Variants in SHANK2 observed in about 807,000 individuals in gnomAD.
The protein encoded by SHANK2 is SH3 and multiple ankyrin repeat domains 2.
A neutral mutation model predicts 133.7 loss-of-function variants in SHANK2; 43 were observed. The ratio of observed to expected loss-of-function variants is 0.32; its 90% CI spans 0.25 to 0.41. SHANK2 has a LOEUF of 0.41. SHANK2 is among the 10% of genes least tolerant of loss of function. The probability of loss-of-function intolerance (pLI) is 1.00; values close to 1 mark genes in which losing one functional copy is unlikely to be tolerated. For missense variants in SHANK2, 1,994 were observed against 2,235.8 expected, an observed-to-expected ratio of 0.89 and a Z score of 2.18; for synonymous variants, 1,017 against 952.8, an observed-to-expected ratio of 1.07 and a Z score of -1.24.
intron 2 of SHANK2, among the ~76,000 whole-genome samples, chr11:71,174,280 C>G (rs1431201877): frequency 6.6e-6 from 1 of 152,176 alleles, no homozygotes; most frequent in African/African-American, 2.4e-5. Flanking sequence ...TGGTTCACAC[C>G]TGTAATCCCA....
At chr11:71,234,606 C>G (rs1555123439) in intron 1 of SHANK2, among the ~76,000 whole-genome samples, 1 of 152,108 alleles carries the variant, frequency 6.6e-6, no homozygotes, top group East Asian at 1.9e-4. Flanking sequence ...CCTGCCCGAG[C>G]CTCGGTCCCC....
At chr11:71,128,263 G>A (rs1952229040) in intron 3 of SHANK2, among the ~76,000 whole-genome samples, 1 of 152,214 alleles carries the variant, frequency 6.6e-6, no homozygotes. Context: ...CTGGTAGGCA[G>A]GAGTTGGTCC....
In SHANK2 at chr11:71,204,041, G is replaced by A. The variant is rs566611755; in HGVS notation, c.-13+20656C>T. Among the ~76,000 whole-genome samples the A allele has an allele frequency of 5.9e-5, 9 of 152,236 alleles. No homozygotes were observed. The South Asian group carries it at 6.2e-4, about 11-fold the overall frequency. On this transcript the variant is annotated intron_variant, in intron 2 of 25. Coordinates refer to ENST00000601538, the MANE Select transcript of SHANK2 (RefSeq NM_012309.5). The stretch of plus-strand genomic sequence containing the variant: ...TTCGCTGTGATGAACCCTGCCTGTC[G>A]CTAAAACAGCTTCACTAAGGACTCT...
intron 3 of SHANK2, among the ~76,000 whole-genome samples, chr11:71,146,114 T>C (rs1317429406): frequency 6.6e-5 from 10 of 152,168 alleles, no homozygotes; most frequent in African/African-American, 1.9e-4. Flanking sequence ...AGACGGCGTG[T>C]GAAATGTTCG....
intron 17 of SHANK2, among the ~76,000 whole-genome samples, chr11:70,614,840 C>T (rs1009338100): frequency 2.0e-5 from 3 of 152,228 alleles, no homozygotes; most frequent in African/African-American, 7.2e-5. Flanking sequence ...CAGGCCTCCC[C>T]TCCCCACTAA....
At chr11:71,121,455 C>G (rs1195432883) in intron 3 of SHANK2, among the ~76,000 whole-genome samples, 1 of 152,220 alleles carries the variant, frequency 6.6e-6, no homozygotes, top group Admixed American at 6.5e-5. Flanking sequence ...GGGAGTAAAT[C>G]TGGATATTAG....
intron 15 of SHANK2, among the ~76,000 whole-genome samples, chr11:70,673,267 C>T (rs1426331004): frequency 6.6e-6 from 1 of 151,520 alleles, no homozygotes; most frequent in Non-Finnish European, 1.5e-5. Context: ...AAGCCTCAGC[C>T]TTTGACTCTG....
At chr11:71,203,679 T>A (rs1276756403) in intron 2 of SHANK2, among the ~76,000 whole-genome samples, 1 of 152,176 alleles carries the variant, frequency 6.6e-6, no homozygotes, top group African/African-American at 2.4e-5. Context: ...ATATCCTGTG[T>A]GGTAAGAGTG....
At chr11:70,478,931 C>T (rs782558021) in intron 25 of SHANK2, among the ~76,000 whole-genome samples, 2 of 152,166 alleles carry the variant, frequency 1.3e-5, no homozygotes, top group East Asian at 1.9e-4. Flanking sequence ...CCAGGAGGTT[C>T]GCAGCTAAGA....
Position 71,132,306 on chromosome 11 carries a change from A to G in SHANK2, c.208-13274T>C, listed in dbSNP as rs74598426. ...TAACACAGAAAAGTAAAAACTGATG[A>G]TCTGCGGCCCTGGTATTGCCACCCT... On this transcript the variant is annotated intron_variant, in intron 3 of 25. Coordinates refer to ENST00000601538, the MANE Select transcript of SHANK2 (RefSeq NM_012309.5). Among the ~76,000 whole-genome samples, 178 of 152,282 alleles carry G rather than the reference A, an allele frequency of 1.2e-3. 2 individuals are homozygous for G. The East Asian group carries it at 0.027, about 23-fold the overall frequency.
chr11:71,212,957 C>G (rs555647083), intron 2 of SHANK2, among the ~76,000 whole-genome samples: 3 of 134,048 alleles, frequency 2.2e-5, no homozygotes, highest in African/African-American at 2.8e-5. Context: ...GGACCCCAGG[C>G]GGAGGCACAG....
At chr11:70,826,420 C>T (rs984003159) in intron 11 of SHANK2, 2 of 470,212 alleles carry the variant, frequency 4.3e-6, no homozygotes. Context: ...AATCAGCAAG[C>T]AGCTGCTAAT....
intron 12 of SHANK2, among the ~76,000 whole-genome samples, chr11:70,809,007 C>T (rs969692881): frequency 1.3e-5 from 2 of 152,226 alleles, no homozygotes; most frequent in Non-Finnish European, 2.9e-5. Context: ...CTGACTTCTA[C>T]ACCCGACAGT....
At chr11:70,714,496 C>T (rs562779125) in intron 14 of SHANK2, among the ~76,000 whole-genome samples, 17 of 152,306 alleles carry the variant, frequency 1.1e-4, no homozygotes, top group East Asian at 7.7e-4. Context: ...ATCGAGGCAC[C>T]GGAAGGTTAA....
At chr11:71,134,522 C>G (rs1432588110) in intron 3 of SHANK2, among the ~76,000 whole-genome samples, 4 of 151,264 alleles carry the variant, frequency 2.6e-5, no homozygotes, top group African/African-American at 9.7e-5. Flanking sequence ...TCACTGCAAC[C>G]TCCACCTCCC....
At chr11:71,240,035 T>G (rs1212412526) in intron 1 of SHANK2, among the ~76,000 whole-genome samples, 6 of 152,154 alleles carry the variant, frequency 3.9e-5, no homozygotes, top group African/African-American at 1.4e-4. Flanking sequence ...AATAGTAATA[T>G]GATACTAATT....
intron 9 of SHANK2, among the ~76,000 whole-genome samples, chr11:71,059,092 C>T (rs1950956948): frequency 6.6e-6 from 1 of 152,196 alleles, no homozygotes; most frequent in Non-Finnish European, 1.5e-5. Flanking sequence ...TGGCAGGTGC[C>T]TGTAATCCCA....
At chr11:70,522,403 G>T (rs188836387) in intron 17 of SHANK2, among the ~76,000 whole-genome samples, 45 of 152,282 alleles carry the variant, frequency 3.0e-4, no homozygotes, top group Non-Finnish European at 1.5e-5. Context: ...GTACCAAAGG[G>T]GTGGCCACAG....
At chr11:70,951,734 A>G (rs1950848194) in intron 10 of SHANK2, among the ~76,000 whole-genome samples, 1 of 152,234 alleles carries the variant, frequency 6.6e-6, no homozygotes, top group Non-Finnish European at 1.5e-5. Flanking sequence ...GGAGGCCAGA[A>G]GTCTGAATTC....
Sources: gnomAD v4.1 joint callset for allele counts (sites outside exome capture counted in the v4.1 genomes callset) on GRCh38, gnomAD v4.1.1 for gene constraint, MANE v1.5 for transcripts, NCBI Gene and HGNC (gene_info 2026-07-23, HGNC 2026-07-21) for gene names.